The following FCHO1 variants were observed in gnomAD, a reference collection of about 807,000 sequenced individuals.
FCHO1 encodes the protein F-BAR domain only protein 1.
FCHO1 carries 45 observed loss-of-function variants against 114.4 expected under a neutral mutation model. That is an observed-to-expected ratio of 0.39 (90% CI 0.31 to 0.50). The LOEUF (loss-of-function observed/expected upper bound fraction) is 0.50, where lower values mean the gene tolerates loss of function less well. FCHO1 is among the 20% of genes least tolerant of loss of function. FCHO1 has a pLI of 0.77. For synonymous variants in FCHO1, 480 were observed against 488.9 expected (o/e 0.98, Z 0.24); for missense variants, 1,042 against 1,209.6 (o/e 0.86, Z 2.06).
In FCHO1 at chr19:17,784,544, G is replaced by A. The variant is rs996494368; in HGVS notation, c.2227-181G>A. ...CTGGGAGACTTTGTTAGAATGAGGC[G>A]CTCTCCTGCCCCCTGCTGGAAACCT... On this transcript the variant is annotated intron_variant, in intron 25 of 28. Coordinates refer to ENST00000596536, the MANE Select transcript of FCHO1 (RefSeq NM_015122.3). This position sits in a 1 kb window ranked among gnomAD's most constrained non-coding sequence, Gnocchi z 5.3. Among the ~76,000 whole-genome samples, 4 of 152,122 alleles carry A rather than the reference G, an allele frequency of 2.6e-5. No individual in the cohort carries two copies. The highest frequency in any genetic ancestry group is 4.8e-5 in the African/African-American group (2 of 41,406).
At position 17,778,811 on chromosome 19, in the gene FCHO1, G is replaced by A; in HGVS notation, c.1554G>A (p.Pro518=). ...PPPEARGIRA[P]PLPDSPQPLA... The stretch of plus-strand genomic sequence containing the variant: ...CAGAGGCCAGGGGTATCCGGGCACC[G>A]CCTCTGCCAGACTCGCCGCAGCCCC... The change falls in exon 20 of 29, where the codon CCG becomes CCA. Residue 518 remains proline (P), a synonymous_variant. Coordinates refer to ENST00000596536, the MANE Select transcript of FCHO1 (RefSeq NM_015122.3). 6.5e-7 allele frequency: 1 copy of A among 1,547,644 alleles called. No individual in the cohort carries two copies. The highest frequency in any genetic ancestry group is 8.7e-7 in the Non-Finnish European group (1 of 1,153,430).
intron 28 of FCHO1, 37 bp from the exon 29 acceptor site, chr19:17,788,247 C>G (rs746685602): frequency 8.7e-6 from 11 of 1,257,244 alleles, no homozygotes; most frequent in Admixed American, 7.1e-5. Flanking sequence ...CGTACCCCTC[C>G]TCCCCACCCC....
At chr19:17,772,943 G>A (rs1467221003) in intron 11 of FCHO1, among the ~76,000 whole-genome samples, 10 of 152,140 alleles carry the variant, frequency 6.6e-5, no homozygotes, top group African/African-American at 1.9e-4. Context: ...GATTACAGGC[G>A]TGAGCCACTG....
At chr19:17,773,525 T>A (rs1262641138) in intron 11 of FCHO1, among the ~76,000 whole-genome samples, 2 of 152,158 alleles carry the variant, frequency 1.3e-5, no homozygotes, top group Non-Finnish European at 2.9e-5. Context: ...CAGATCTGTT[T>A]TGTCCTCCTC....
At chr19:17,755,387 G>A (rs1294732780) in intron 4 of FCHO1, 196 bp downstream of exon 4, 3 of 559,552 alleles carry the variant, frequency 5.4e-6, no homozygotes, top group East Asian at 6.5e-5. Flanking sequence ...TACAACCTTG[G>A]GCAAGTCATA....
At chr19:17,778,410 A>C in intron 19 of FCHO1, 182 bp downstream of exon 19, 1 of 767,392 alleles carries the variant, frequency 1.3e-6, no homozygotes, top group East Asian at 2.7e-5. Flanking sequence ...GGCCTTGGCC[A>C]GTGGGCGGTG....
At chr19:17,774,157 C>T in intron 11 of FCHO1, 82 bp from the exon 12 acceptor site, 1 of 1,354,706 alleles carries the variant, frequency 7.4e-7, no homozygotes, top group Non-Finnish European at 1.1e-6. Context: ...GATCCGCCCG[C>T]CTTAGCCTCC....
chr19:17,787,263 G>A (rs1456920524), intron 27 of FCHO1, among the ~76,000 whole-genome samples: 1 of 142,920 alleles, frequency 7.0e-6, no homozygotes, highest in Non-Finnish European at 1.5e-5. Flanking sequence ...AGCTGGAGGA[G>A]GGCCAAGGAC....
chr19:17,771,662 C>T (rs1039373302), intron 9 of FCHO1, among the ~76,000 whole-genome samples: 2 of 151,458 alleles, frequency 1.3e-5, no homozygotes, highest in Admixed American at 6.6e-5. Flanking sequence ...GAGCGAGACT[C>T]TGTCTCAAAA....
chr19:17,781,158 A>G lies in FCHO1; in HGVS notation c.1628-73A>G. ...AGCCCACCTCCTAAGATTTTGGCTG[A>G]GTTTGTGCCCCTGGGGAGGCCCCAG... is the stretch of plus-strand genomic sequence containing the variant. On this transcript the variant is annotated intron_variant, in intron 20 of 28. Transcript: ENST00000596536. The G allele has an allele frequency of 4.7e-6, 5 of 1,071,572 alleles. 1 individual carries two copies. In the South Asian group the frequency reaches 5.9e-5, roughly 13 times the overall value. The allele number at this position is 1,071,572 out of a possible 1,614,324, so 66.4% of individuals were successfully genotyped here.
intron 9 of FCHO1, among the ~76,000 whole-genome samples, chr19:17,772,160 A>C (rs1250454773): frequency 7.0e-6 from 1 of 142,406 alleles, no homozygotes; most frequent in Admixed American, 7.5e-5. Flanking sequence ...CATCACTCCC[A>C]CACAGACATC....
In FCHO1 at chr19:17,778,699, C is replaced by A. The variant is rs1167640128; in HGVS notation, c.1442C>A (p.Ser481Tyr). The A allele has an allele frequency of 3.2e-6, 5 of 1,553,352 alleles. No individual in the cohort carries two copies. The highest frequency in any genetic ancestry group is 4.3e-6 in the Non-Finnish European group (5 of 1,154,172). The change falls in exon 20 of 29, where the codon TCC (serine) becomes TAC (tyrosine). Residue 481 changes from serine to tyrosine, a missense_variant. This residue lies in a region of FCHO1 where 455 missense variants were observed against 455.4 expected (regional missense o/e 1.00). Coordinates refer to ENST00000596536, the MANE Select transcript of FCHO1 (RefSeq NM_015122.3). ...GAGGATTCCGGCCTGGACTCTCCGT[C>A]CCACGCGGCACCTGGCCCCTCCCCA... Reference protein sequence around the residue: ...NVEDSGLDSPSHAAPGPSPDS... With the variant: ...NVEDSGLDSPYHAAPGPSPDS...
upstream of FCHO1, among the ~76,000 whole-genome samples, chr19:17,748,508 G>GT: frequency 1.6e-5 from 1 of 63,782 alleles, no homozygotes; most frequent in South Asian, 4.5e-4. Flanking sequence ...GCCTGGACTT[G>GT]GGGGGGGGGT....
chr19:17,781,930 AAC>A, intron 23 of FCHO1, 110 bp downstream of exon 23: 1 of 692,348 alleles, frequency 1.4e-6, no homozygotes, highest in Non-Finnish European at 2.3e-6. Context: ...AAGGGCCTTG[AAC>A]ACTGAGCCAA....
At chr19:17,771,112 G>C (rs1006076358) in intron 9 of FCHO1, among the ~76,000 whole-genome samples, 1 of 152,082 alleles carries the variant, frequency 6.6e-6, no homozygotes, top group Non-Finnish European at 1.5e-5. Flanking sequence ...AATTAGCCGG[G>C]CGTAGTGGCA....
At chr19:17,773,435 T>C in intron 11 of FCHO1, among the ~76,000 whole-genome samples, 1 of 152,212 alleles carries the variant, frequency 6.6e-6, no homozygotes, top group East Asian at 1.9e-4. Flanking sequence ...CTGTTCTTTC[T>C]CCCTCCTGTC....
intron 1 of FCHO1, among the ~76,000 whole-genome samples, chr19:17,753,505 C>A (rs959120618): frequency 6.6e-6 from 1 of 152,228 alleles, no homozygotes; most frequent in Admixed American, 6.5e-5. Context: ...GTGTCCAGCT[C>A]TGTCTCTCTA....
In FCHO1 at chr19:17,781,358, G is replaced by A. The variant is rs373723035; in HGVS notation, c.1740+15G>A. The A allele has an allele frequency of 8.0e-5, 129 of 1,610,526 alleles. No homozygotes were observed. Among genetic ancestry groups the A allele is most frequent in the African/African-American group, 7.2e-4 (54 of 74,974 alleles). Reference sequence around the variant, plus strand: ...ATGGGGACCTGGTAGGTGAGGGGGCGTGGCAGGAGCTGGACTGGGGGTCGC... The same window carrying A: ...ATGGGGACCTGGTAGGTGAGGGGGCATGGCAGGAGCTGGACTGGGGGTCGC... On this transcript the variant is annotated intron_variant, in intron 21 of 28. Coordinates refer to ENST00000596536, the MANE Select transcript of FCHO1 (RefSeq NM_015122.3).
At chr19:17,774,016 T>C (rs2147069341) in intron 11 of FCHO1, among the ~76,000 whole-genome samples, 1 of 152,124 alleles carries the variant, frequency 6.6e-6, no homozygotes, top group East Asian at 1.9e-4. Flanking sequence ...GTTCAAGCGA[T>C]TCTCCTGCCT....
Sources: allele counts gnomAD v4.1 joint callset (sites outside exome capture counted in the v4.1 genomes callset), GRCh38; gene constraint gnomAD v4.1.1; regional missense constraint gnomAD v4.1.1; non-coding constraint Gnocchi (gnomAD v3.1); transcripts MANE v1.5; gene names NCBI Gene and HGNC (gene_info 2026-07-23, HGNC 2026-07-21).